ZDHHC13: variants seen among roughly 807,000 people sequenced by gnomAD.
ZDHHC13 encodes zDHHC palmitoyltransferase 13, also known as palmitoyltransferase ZDHHC13.
A neutral mutation model predicts 86.0 loss-of-function variants in ZDHHC13; 85 were observed. That is an observed-to-expected ratio of 0.99 (90% CI 0.83 to 1.18). The LOEUF is 1.18. ZDHHC13 is among the 50% of genes most tolerant of loss of function. The pLI is 0.00. For synonymous variants in ZDHHC13, 263 were observed against 246.4 expected (o/e 1.07, Z -0.63); for missense variants, 711 against 730.2 (o/e 0.97, Z 0.30).
chr11:19,143,160 C>A, intron 2 of ZDHHC13, 37 bp downstream of exon 2: 1 of 1,583,574 alleles, frequency 6.3e-7, no homozygotes, highest in Non-Finnish European at 8.6e-7. Flanking sequence ...TCCTTATGTT[C>A]TCTAGAATTA....
At position 19,168,802 on chromosome 11, in the gene ZDHHC13, C is replaced by T. The variant is rs150689069; in HGVS notation, c.1475-1609C>T. ...AATAGCTGCTACTTCTGTACAGCCT[C>T]CATCCATTTCATCTTTTGTAAGGTC... is the stretch of plus-strand genomic sequence containing the variant. On this transcript the variant is annotated intron_variant, in intron 14 of 16. Coordinates refer to ENST00000446113, the MANE Select transcript of ZDHHC13 (RefSeq NM_019028.3). 331 of 985,440 alleles carry T rather than the reference C, an allele frequency of 3.4e-4. 2 individuals are homozygous for T. The African/African-American group carries it at 5.4e-3, about 16-fold the overall frequency. The allele number at this position is 985,440 out of a possible 1,614,324, so 61.0% of individuals were successfully genotyped here.
intron 8 of ZDHHC13, among the ~76,000 whole-genome samples, chr11:19,154,480 T>G (rs965860072): frequency 2.0e-5 from 3 of 152,176 alleles, no homozygotes; most frequent in African/African-American, 7.2e-5. Context: ...CTCCTAGATA[T>G]GGCGTAGAGA....
intron 14 of ZDHHC13, 104 bp downstream of exon 14, chr11:19,166,489 A>G (rs1226493703): frequency 3.5e-6 from 3 of 851,620 alleles, no homozygotes; most frequent in Non-Finnish European, 5.3e-6. Context: ...ACTATAAACC[A>G]TACTCCTAAT....
chr11:19,117,196 T>A lies in ZDHHC13; in HGVS notation c.-54T>A. ...GGCGACCCAAGGCGGGCTGGCGGGC[T>A]GGCGGCAGTCGCTACTTGCCTAGTA... On this transcript the variant is annotated 5_prime_UTR_variant, in exon 1 of 17. Coordinates refer to ENST00000446113, the MANE Select transcript of ZDHHC13 (RefSeq NM_019028.3). This position sits in a 1 kb window ranked among gnomAD's most constrained non-coding sequence, Gnocchi z 4.2. The A allele has an allele frequency of 1.3e-6, 2 of 1,528,532 alleles. No individual in the cohort carries two copies. Among genetic ancestry groups the A allele is most frequent in the Non-Finnish European group, 1.8e-6 (2 of 1,140,710 alleles). 94.7% of individuals were successfully genotyped at this position (1,528,532 alleles called of 1,614,324 possible).
intron 6 of ZDHHC13, among the ~76,000 whole-genome samples, chr11:19,151,249 A>C (rs1849599320): frequency 6.6e-6 from 1 of 152,044 alleles, no homozygotes. Context: ...AAGAGTCTGT[A>C]TGTTCAGATC....
chr11:19,152,944 A>T (rs1439682460), intron 8 of ZDHHC13, among the ~76,000 whole-genome samples: 1 of 152,188 alleles, frequency 6.6e-6, no homozygotes, highest in Non-Finnish European at 1.5e-5. Flanking sequence ...CATTTATTTA[A>T]TGAATGTATT....
chr11:19,146,221 G>C lies in ZDHHC13; in HGVS notation c.214G>C (p.Gly72Arg), dbSNP rs1250233497. ...FERCKELVEA[G>R]YDVRQPDKEN... is the part of the protein sequence containing the mutation. ...ACGATGTAAAGAGTTGGTAGAAGCA[G>C]GATATGATGTCAGGCAACCAGATAA... The change falls in exon 3 of 17, where the codon GGA becomes CGA. Residue 72 changes from glycine to arginine, a missense_variant. Physicochemically the swap from Gly to Arg is moderately radical, Grantham distance 125. Transcript: ENST00000446113. 4 of 1,611,200 alleles carry C rather than the reference G, an allele frequency of 2.5e-6. No homozygotes were observed. The Admixed American group carries it at 5.0e-5, about 20-fold the overall frequency.
At position 19,117,560 on chromosome 11, in the gene ZDHHC13, G is replaced by T; in HGVS notation, c.27+284G>T. On this transcript the variant is annotated intron_variant, in intron 1 of 16. Transcript: ENST00000446113. This position sits in a 1 kb window ranked among gnomAD's most constrained non-coding sequence, Gnocchi z 4.2. Reference sequence around the variant, plus strand: ...CTGGGGCCGGTACCCGGAGCCCGGCGGGGACCTCTGTGGGCCTGGGGAGGG... The same window carrying T: ...CTGGGGCCGGTACCCGGAGCCCGGCTGGGACCTCTGTGGGCCTGGGGAGGG... 3 of 384,796 alleles carry T rather than the reference G, an allele frequency of 7.8e-6. No individual in the cohort carries two copies. The highest frequency in any genetic ancestry group is 1.4e-5 in the Non-Finnish European group (3 of 215,972). 23.8% of individuals were successfully genotyped at this position (384,796 alleles called of 1,614,324 possible).
At chr11:19,159,141 A>C (rs1849839748) in intron 10 of ZDHHC13, 101 bp downstream of exon 10, 1 of 733,856 alleles carries the variant, frequency 1.4e-6, no homozygotes, top group Non-Finnish European at 2.2e-6. Flanking sequence ...CAGGGAATGC[A>C]ACTTATATTT....
chr11:19,166,719 GAAAAA>G (rs11341471), intron 14 of ZDHHC13: 4 of 144,966 alleles, frequency 2.8e-5, no homozygotes, highest in South Asian at 2.1e-4. Context: ...AATAAAACAG[GAAAAA>G]AAAAAAAAAA....
chr11:19,161,597 T>G (rs1404757862), intron 10 of ZDHHC13, among the ~76,000 whole-genome samples: 1 of 151,836 alleles, frequency 6.6e-6, no homozygotes, highest in African/African-American at 2.4e-5. Context: ...GAGGGGGGAT[T>G]GAATACAATA....
intron 3 of ZDHHC13, among the ~76,000 whole-genome samples, chr11:19,147,041 C>A (rs1383118195): frequency 6.6e-6 from 1 of 152,112 alleles, no homozygotes; most frequent in Admixed American, 6.5e-5. Context: ...AGAAGAAAAT[C>A]AGTCTTATTA....
intron 14 of ZDHHC13, 120 bp from the exon 15 acceptor site, chr11:19,170,291 C>A: frequency 7.0e-7 from 1 of 1,428,476 alleles, no homozygotes. Flanking sequence ...AAAATTGAAT[C>A]ATGATCTGTG....
chr11:19,117,492 C>T lies in ZDHHC13; in HGVS notation c.27+216C>T, dbSNP rs1010925970. ...AAGGCGAGGACTGAGGGGTGAGGGC[C>T]CGAGCCGGCCCCTCCAGCCTCCATC... On this transcript the variant is annotated intron_variant, in intron 1 of 16. Coordinates refer to ENST00000446113, the MANE Select transcript of ZDHHC13 (RefSeq NM_019028.3). The surrounding 1 kb of genome is among the most constrained non-coding windows in gnomAD (Gnocchi z 4.2). Among the ~76,000 whole-genome samples, 4 of 152,088 alleles carry T rather than the reference C, an allele frequency of 2.6e-5. No individual in the cohort carries two copies. The highest frequency in any genetic ancestry group is 2.6e-4 in the Admixed American group (4 of 15,278).
At chr11:19,165,181 T>A (rs1197515466) in intron 13 of ZDHHC13, 36 bp downstream of exon 13, 1 of 1,577,216 alleles carries the variant, frequency 6.3e-7, no homozygotes, top group South Asian at 1.2e-5. Context: ...TACTGTGAAG[T>A]TAAGCATATG....
At chr11:19,145,923 G>A (rs761082072) in intron 2 of ZDHHC13, among the ~76,000 whole-genome samples, 1 of 152,128 alleles carries the variant, frequency 6.6e-6, no homozygotes, top group Admixed American at 6.5e-5. Context: ...TTGAAGGAAG[G>A]CAATGTAAGT....
In ZDHHC13 at chr11:19,146,308, G is replaced by C. The variant is rs756472770; in HGVS notation, c.296+5G>C. 3 of 1,606,358 alleles carry C rather than the reference G, an allele frequency of 1.9e-6. No individual in the cohort carries two copies. On this transcript the variant is annotated splice_donor_5th_base_variant and intron_variant, in intron 3 of 16. Coordinates refer to ENST00000446113, the MANE Select transcript of ZDHHC13 (RefSeq NM_019028.3). ...CAACAGACTGGATCTTGTAAAGTAA[G>C]ATGGGATATGTGTGTTAATTGTGTA...
intron 1 of ZDHHC13, among the ~76,000 whole-genome samples, chr11:19,142,263 A>G (rs573293085): frequency 1.6e-4 from 24 of 152,306 alleles, no homozygotes; most frequent in South Asian, 1.5e-3. Context: ...AAGACTGCCC[A>G]CAGTTCCTTG....
chr11:19,161,281 A>T (rs1849904257), intron 10 of ZDHHC13, among the ~76,000 whole-genome samples: 1 of 151,970 alleles, frequency 6.6e-6, no homozygotes, highest in Non-Finnish European at 1.5e-5. Flanking sequence ...CAGACTAGTT[A>T]TGCACCATTG....
Sources: allele counts gnomAD v4.1 joint callset (sites outside exome capture counted in the v4.1 genomes callset), GRCh38; gene constraint gnomAD v4.1.1; non-coding constraint Gnocchi (gnomAD v3.1); transcripts MANE v1.5; gene names NCBI Gene and HGNC (gene_info 2026-07-23, HGNC 2026-07-21).